WDFY4: variants seen among roughly 807,000 people sequenced by gnomAD.
The protein encoded by WDFY4 is WD repeat- and FYVE domain-containing protein 4.
WDFY4 carries 169 observed loss-of-function variants against 351.9 expected under a neutral mutation model. The observed-to-expected ratio is 0.48, with a 90% CI of 0.42 to 0.55. The LOEUF (loss-of-function observed/expected upper bound fraction) is 0.55, where lower values mean the gene tolerates loss of function less well. Among genes scored for constraint, WDFY4 ranks in the 20% least tolerant of loss-of-function variants. The pLI, the probability that WDFY4 is intolerant of heterozygous loss-of-function variation, is 0.00. For synonymous variants in WDFY4, 1,622 were observed against 1,574.6 expected (o/e 1.03, Z -0.71); for missense variants, 3,803 against 3,935.6 (o/e 0.97, Z 0.90).
intron 42 of WDFY4, among the ~76,000 whole-genome samples, chr10:48,875,508 G>A (rs887202344): frequency 2.0e-5 from 3 of 152,138 alleles, no homozygotes; most frequent in Non-Finnish European, 2.9e-5. Flanking sequence ...TCCACCTCCT[G>A]GGCTCACACA....
intron 32 of WDFY4, 90 bp from the exon 33 acceptor site, chr10:48,820,144 C>CAAT (rs2067766773): frequency 1.4e-6 from 2 of 1,391,172 alleles, no homozygotes; most frequent in African/African-American, 2.9e-5. Context: ...CTGGGCATGA[C>CAAT]AATAATCCGC....
At chr10:48,873,429 G>A (rs2069862021) in intron 40 of WDFY4, 62 bp from the exon 41 acceptor site, 1 of 1,469,662 alleles carries the variant, frequency 6.8e-7, no homozygotes, top group South Asian at 1.4e-5. Context: ...GGAGGTTTGG[G>A]GCCAGGCCCA....
intron 47 of WDFY4, among the ~76,000 whole-genome samples, chr10:48,908,290 G>C (rs905746526): frequency 2.6e-5 from 4 of 152,342 alleles, no homozygotes; most frequent in Non-Finnish European, 5.9e-5. Flanking sequence ...GCCCAGGAAT[G>C]CTGATGAGCA....
At chr10:48,896,021 T>G (rs983541021) in intron 44 of WDFY4, among the ~76,000 whole-genome samples, 1 of 152,220 alleles carries the variant, frequency 6.6e-6, no homozygotes, top group Non-Finnish European at 1.5e-5. Flanking sequence ...TAAGATGCAC[T>G]CCCTACATTT....
chr10:48,708,611 A>G (rs1825174705), intron 1 of WDFY4, among the ~76,000 whole-genome samples: 2 of 152,178 alleles, frequency 1.3e-5, no homozygotes, highest in South Asian at 4.1e-4. Flanking sequence ...GTAAGTCATA[A>G]TTGACTGACA....
At chr10:48,973,327 T>C (rs1842414751) in intron 57 of WDFY4, among the ~76,000 whole-genome samples, 1 of 151,658 alleles carries the variant, frequency 6.6e-6, no homozygotes. Flanking sequence ...GCAGTTTTCA[T>C]TTTCCTAGGA....
rs117272782 is a variant in WDFY4, at chr10:48,704,654, T to C, written c.-17-5062T>C. Among the ~76,000 whole-genome samples, 373 of 152,240 alleles carry C rather than the reference T, an allele frequency of 2.5e-3. 10 individuals are homozygous for C. In the East Asian group the frequency reaches 0.048, roughly 19 times the overall value. On this transcript the variant is annotated intron_variant, in intron 1 of 61. Transcript: ENST00000325239. The stretch of plus-strand genomic sequence containing the variant: ...CATCCTCAGCCCCAAGCAGCCACAG[T>C]GTGAGCCCAGCTGCCTGTGTGCACT...
chr10:48,721,833 A>T (rs952214545), intron 4 of WDFY4, among the ~76,000 whole-genome samples: 1 of 152,182 alleles, frequency 6.6e-6, no homozygotes, highest in African/African-American at 2.4e-5. Flanking sequence ...CCTGCAGTCT[A>T]TCTGATTCTA....
chr10:48,928,158 G>A (rs1009000459), intron 47 of WDFY4, among the ~76,000 whole-genome samples: 3 of 152,138 alleles, frequency 2.0e-5, no homozygotes, highest in Non-Finnish European at 4.4e-5. Context: ...TCAGAGAAGC[G>A]GCTTGGCAGG....
chr10:48,746,069 C>T, intron 12 of WDFY4: 1 of 162,312 alleles, frequency 6.2e-6, no homozygotes. Context: ...TTCACCACAA[C>T]GGCCGCCAGG....
chr10:48,931,255 G>A (rs1420382634), intron 47 of WDFY4, among the ~76,000 whole-genome samples: 3 of 152,218 alleles, frequency 2.0e-5, no homozygotes, highest in African/African-American at 7.2e-5. Context: ...GCAGACACAG[G>A]AATTGGGCAG....
Position 48,780,095 on chromosome 10 carries a change from T to A in WDFY4, c.3552T>A (p.Asp1184Glu). 1 of 1,552,070 alleles carries A rather than the reference T, an allele frequency of 6.4e-7. No individual in the cohort carries two copies. The highest frequency in any genetic ancestry group is 8.7e-7 in the Non-Finnish European group (1 of 1,147,052). The stretch of plus-strand genomic sequence containing the variant: ...ATTGTACAGTTTCCACCTGTCTGGA[T>A]GGACAGGTCATTGGCTCTGCCAAGG... ...KRHCTVSTCL[D>E]GQVIGSAKML... Residue 1184 changes from aspartate (D) to glutamate (E), a missense_variant, in exon 19 of 62, where the codon GAT becomes GAA. Asp to Glu is a conservative substitution (Grantham distance 45). Transcript: ENST00000325239.
At chr10:48,941,264 AT>A (rs1449105244) in intron 47 of WDFY4, among the ~76,000 whole-genome samples, 1 of 152,192 alleles carries the variant, frequency 6.6e-6, no homozygotes, top group Non-Finnish European at 1.5e-5. Context: ...CCCATGTATG[AT>A]TGAAGTTTTT....
chr10:48,688,025 C>T (rs2063099947), intron 1 of WDFY4, among the ~76,000 whole-genome samples: 1 of 152,062 alleles, frequency 6.6e-6, no homozygotes, highest in Non-Finnish European at 1.5e-5. Flanking sequence ...TCAGGTGATC[C>T]ACCCACCTCG....
chr10:48,845,984 T>C (rs1367645858), intron 39 of WDFY4, among the ~76,000 whole-genome samples: 4 of 152,092 alleles, frequency 2.6e-5, no homozygotes, highest in Admixed American at 2.6e-4. Flanking sequence ...GGACACGGGG[T>C]GAGCAAAGCA....
At chr10:48,800,988 C>T (rs1429493505) in intron 24 of WDFY4, among the ~76,000 whole-genome samples, 2 of 152,150 alleles carry the variant, frequency 1.3e-5, no homozygotes, top group Admixed American at 6.5e-5. Flanking sequence ...CCACCTCGGC[C>T]TCCCAAAGTT....
intron 23 of WDFY4, among the ~76,000 whole-genome samples, chr10:48,795,491 G>GTGTATATATA (rs1416892459): frequency 1.3e-4 from 13 of 101,238 alleles, no homozygotes; most frequent in African/African-American, 5.9e-4. Flanking sequence ...GTGTGTGTCT[G>GTGTATATATA]TATATATATA....
In WDFY4 at chr10:48,854,105, G is replaced by A. The variant is rs567377491; in HGVS notation, c.6664-13160G>A. Reference sequence around the variant, plus strand: ...TGCTAATTTTAATTTTTAGGAGACAGTCTAAGTCATTTTTTTTTTTTTTTG... The same window carrying A: ...TGCTAATTTTAATTTTTAGGAGACAATCTAAGTCATTTTTTTTTTTTTTTG... On this transcript the variant is annotated intron_variant, in intron 39 of 61. Coordinates refer to ENST00000325239, the MANE Select transcript of WDFY4 (RefSeq NM_001394531.1). 2.8e-5 allele frequency among the ~76,000 whole-genome samples: 4 copies of A among 144,970 alleles called. No homozygotes were observed. In the South Asian group the frequency reaches 8.8e-4, roughly 32 times the overall value.
chr10:48,782,897 T>C (rs1056285626), intron 19 of WDFY4, among the ~76,000 whole-genome samples: 2 of 152,080 alleles, frequency 1.3e-5, no homozygotes, highest in Non-Finnish European at 2.9e-5. Context: ...CACTGGGAAT[T>C]TGGAAGACAG....
Sources: gnomAD v4.1 joint callset for allele counts (sites outside exome capture counted in the v4.1 genomes callset) on GRCh38, gnomAD v4.1.1 for gene constraint, MANE v1.5 for transcripts, NCBI Gene and HGNC (gene_info 2026-07-23, HGNC 2026-07-21) for gene names.